Variants in ANKRD30BL observed in about 807,000 individuals in gnomAD.
ANKRD30BL encodes ankyrin repeat domain 30B like, also known as putative ankyrin repeat domain-containing protein 30B-like.
ANKRD30BL carries 20 observed loss-of-function variants against 18.4 expected under a neutral mutation model. The observed-to-expected ratio is 1.09, with a 90% CI of 0.77 to 1.58. ANKRD30BL has a LOEUF of 1.58. Ranked by LOEUF, ANKRD30BL falls within the 40% of genes most tolerant of loss-of-function variation. The pLI is 0.00. For synonymous variants in ANKRD30BL, 72 were observed against 100.9 expected, an observed-to-expected ratio of 0.71 and a Z score of 1.72; for missense variants, 224 against 268.6, an observed-to-expected ratio of 0.83 and a Z score of 1.16.
chr2:132,236,076 C>A (rs1680143041), intron 1 of ANKRD30BL, among the ~76,000 whole-genome samples: 1 of 152,024 alleles, frequency 6.6e-6, no homozygotes, highest in African/African-American at 2.4e-5. Context: ...CTGAGAAAAA[C>A]AAGCAATGGG....
chr2:132,254,893 G>C (rs1048298137), intron 1 of ANKRD30BL, among the ~76,000 whole-genome samples: 8 of 152,210 alleles, frequency 5.3e-5, no homozygotes, highest in Admixed American at 1.3e-4. Flanking sequence ...CCGTGGAATC[G>C]AGAAAGAGCT....
At chr2:132,193,557 T>C (rs1173592940) in intron 1 of ANKRD30BL, among the ~76,000 whole-genome samples, 2 of 152,052 alleles carry the variant, frequency 1.3e-5, no homozygotes, top group Non-Finnish European at 2.9e-5. Context: ...AGTGGGTCCA[T>C]GACCATGTAA....
intron 5 of ANKRD30BL, among the ~76,000 whole-genome samples, chr2:132,150,024 G>A (rs1415295991): frequency 1.3e-5 from 2 of 152,006 alleles, no homozygotes; most frequent in African/African-American, 4.8e-5. Context: ...GAGTTTTGGA[G>A]GAGTCAAAAG....
At chr2:132,242,071 A>T (rs1344721235) in intron 1 of ANKRD30BL, among the ~76,000 whole-genome samples, 2 of 151,800 alleles carry the variant, frequency 1.3e-5, no homozygotes, top group African/African-American at 4.8e-5. Context: ...CTACTTTGTG[A>T]TGTGTGTACT....
At chr2:132,154,837 T>C (rs1022805874) in intron 3 of ANKRD30BL, 69 bp from the exon 4 acceptor site, 12 of 595,144 alleles carry the variant, frequency 2.0e-5, no homozygotes, top group African/African-American at 3.8e-5. Context: ...GAATACCTTA[T>C]ATAATATCCT....
intron 1 of ANKRD30BL, among the ~76,000 whole-genome samples, chr2:132,178,728 A>G (rs554603108): frequency 4.3e-4 from 65 of 152,310 alleles, no homozygotes; most frequent in African/African-American, 1.4e-3. Flanking sequence ...TAAGAAATAA[A>G]GACTGTATGG....
At chr2:132,216,471 A>T (rs568244870) in intron 1 of ANKRD30BL, among the ~76,000 whole-genome samples, 1 of 152,162 alleles carries the variant, frequency 6.6e-6, no homozygotes, top group South Asian at 2.1e-4. Context: ...TTTTTGTAGA[A>T]TCTGCAAGTG....
At chr2:132,223,817 A>G (rs1433023750) in intron 1 of ANKRD30BL, among the ~76,000 whole-genome samples, 1 of 152,160 alleles carries the variant, frequency 6.6e-6, no homozygotes, top group Non-Finnish European at 1.5e-5. Flanking sequence ...AGACAGAAGC[A>G]TTCTCAGAAA....
rs761775763 is a variant in ANKRD30BL, at chr2:132,148,131, C to G, written c.777G>C (p.Ter259TyrextTer29). 6.3e-7 allele frequency: 1 copy of G among 1,579,082 alleles called. No individual in the cohort carries two copies. Among genetic ancestry groups the G allele is most frequent in the Non-Finnish European group, 8.6e-7 (1 of 1,158,242 alleles). ...ESLVERTPDE[*>Y] ...TCTTTGAAGAGGAATTCACTGTATC[C>G]TATTCATCAGGTGTTCTTTCCACCA... The change falls in exon 6 of 6, where the codon TAG becomes TAC. Residue 259 changes from the stop codon to tyrosine, a stop_lost. Coordinates refer to ENST00000409867, the MANE Select transcript of ANKRD30BL (RefSeq NM_001358416.1).
At chr2:132,245,202 A>C (rs892505509) in intron 1 of ANKRD30BL, among the ~76,000 whole-genome samples, 1 of 152,276 alleles carries the variant, frequency 6.6e-6, no homozygotes. Flanking sequence ...GATTGGAAAC[A>C]GTCTTTTTGT....
At chr2:132,238,592 A>G (rs62166195) in intron 1 of ANKRD30BL, among the ~76,000 whole-genome samples, 1 of 151,502 alleles carries the variant, frequency 6.6e-6, no homozygotes, top group Non-Finnish European at 1.5e-5. Context: ...TGCTCTTTGA[A>G]GCCTATGGTG....
intron 5 of ANKRD30BL, among the ~76,000 whole-genome samples, chr2:132,150,016 G>A (rs1170784897): frequency 6.6e-6 from 1 of 152,068 alleles, no homozygotes; most frequent in Non-Finnish European, 1.5e-5. Context: ...TGTTAGTAGA[G>A]TTTTGGAGGA....
intron 1 of ANKRD30BL, among the ~76,000 whole-genome samples, chr2:132,233,108 T>G (rs1680065863): frequency 6.6e-6 from 1 of 151,142 alleles, no homozygotes; most frequent in Non-Finnish European, 1.5e-5. Flanking sequence ...GAAGGAGAAA[T>G]AAAATACTTT....
chr2:132,196,642 C>T (rs1232000740), intron 1 of ANKRD30BL, among the ~76,000 whole-genome samples: 1 of 151,616 alleles, frequency 6.6e-6, no homozygotes, highest in Non-Finnish European at 1.5e-5. Flanking sequence ...AAAAATTAGC[C>T]AAGTGTGGTG....
At chr2:132,215,421 G>A (rs574453267) in intron 1 of ANKRD30BL, among the ~76,000 whole-genome samples, 1 of 152,340 alleles carries the variant, frequency 6.6e-6, no homozygotes, top group African/African-American at 2.4e-5. Context: ...ATCTCACAGA[G>A]TTGAACCTTA....
intron 1 of ANKRD30BL, among the ~76,000 whole-genome samples, chr2:132,234,810 G>C (rs538653617): frequency 6.6e-6 from 1 of 152,156 alleles, no homozygotes; most frequent in Non-Finnish European, 1.5e-5. Context: ...AATTGAAAAA[G>C]AGGGAATCCT....
intron 1 of ANKRD30BL, among the ~76,000 whole-genome samples, chr2:132,187,795 G>A (rs1321431543): frequency 1.4e-5 from 2 of 145,206 alleles, no homozygotes; most frequent in Non-Finnish European, 3.0e-5. Context: ...TTTTGCTCTT[G>A]TCGCACAGGC....
chr2:132,246,639 C>T (rs1183467313), intron 1 of ANKRD30BL, among the ~76,000 whole-genome samples: 1 of 151,982 alleles, frequency 6.6e-6, no homozygotes, highest in East Asian at 1.9e-4. Context: ...GGTATATCTT[C>T]ACATAAAAAC....
intron 1 of ANKRD30BL, among the ~76,000 whole-genome samples, chr2:132,183,620 A>C (rs537960804): frequency 6.6e-6 from 1 of 152,106 alleles, no homozygotes; most frequent in African/African-American, 2.4e-5. Flanking sequence ...GGGTGGAGAA[A>C]TTCCTTCTGA....
Sources: allele counts gnomAD v4.1 joint callset (sites outside exome capture counted in the v4.1 genomes callset), GRCh38; gene constraint gnomAD v4.1.1; transcripts MANE v1.5; gene names NCBI Gene and HGNC (gene_info 2026-07-23, HGNC 2026-07-21).